PPARGC1B: variants seen among roughly 807,000 people sequenced by gnomAD.
The protein encoded by PPARGC1B is peroxisome proliferator-activated receptor gamma coactivator 1-beta.
In PPARGC1B, 34 loss-of-function variants were observed where a neutral mutation model predicts 101.6. That is an observed-to-expected ratio of 0.33 (90% CI 0.25 to 0.45). The LOEUF is 0.45. Ranked by LOEUF, PPARGC1B falls within the 20% of genes least tolerant of loss-of-function variation. The probability of loss-of-function intolerance (pLI) is 1.00; values close to 1 mark genes in which losing one functional copy is unlikely to be tolerated. For missense variants in PPARGC1B, 1,234 were observed against 1,317.6 expected (o/e 0.94, Z 0.98); for synonymous variants, 548 against 539.3 (o/e 1.02, Z -0.22).
intron 1 of PPARGC1B, among the ~76,000 whole-genome samples, chr5:149,808,353 C>T (rs1171987431): frequency 6.6e-6 from 1 of 152,052 alleles, no homozygotes; most frequent in Non-Finnish European, 1.5e-5. Context: ...CCTTGGATGC[C>T]AGGGCCTTTC....
intron 3 of PPARGC1B, among the ~76,000 whole-genome samples, chr5:149,829,689 A>G (rs944433348): frequency 7.5e-6 from 1 of 133,776 alleles, no homozygotes; most frequent in Non-Finnish European, 1.6e-5. Flanking sequence ...GTTTTTATAG[A>G]AAAAAAAAAA....
At chr5:149,763,496 A>G (rs1354047967) in intron 1 of PPARGC1B, among the ~76,000 whole-genome samples, 2 of 146,730 alleles carry the variant, frequency 1.4e-5, no homozygotes, top group Non-Finnish European at 3.0e-5. Context: ...CATGACAGCT[A>G]GAAGGGCCTT....
chr5:149,799,799 G>A (rs1397284883), intron 1 of PPARGC1B, among the ~76,000 whole-genome samples: 1 of 142,026 alleles, frequency 7.0e-6, no homozygotes, highest in African/African-American at 2.6e-5. Flanking sequence ...CCGGGTTCAA[G>A]TGATTATCCT....
chr5:149,798,374 A>G (rs1430586772), intron 1 of PPARGC1B, among the ~76,000 whole-genome samples: 2 of 152,236 alleles, frequency 1.3e-5, no homozygotes, highest in East Asian at 3.8e-4. Flanking sequence ...TAATACAAGA[A>G]TGTTCCCCTT....
At chr5:149,789,509 T>TA (rs751089932) in intron 1 of PPARGC1B, among the ~76,000 whole-genome samples, 2 of 152,252 alleles carry the variant, frequency 1.3e-5, no homozygotes, top group Non-Finnish European at 2.9e-5. Flanking sequence ...TTGTCATACT[T>TA]ACAATAGCAG....
At chr5:149,745,971 A>G (rs1755073219) in intron 1 of PPARGC1B, among the ~76,000 whole-genome samples, 1 of 152,224 alleles carries the variant, frequency 6.6e-6, no homozygotes, top group Non-Finnish European at 1.5e-5. Context: ...GGCCAGTGAC[A>G]GTTTGATGTA....
intron 1 of PPARGC1B, among the ~76,000 whole-genome samples, chr5:149,788,724 C>A (rs958838004): frequency 1.3e-5 from 2 of 152,180 alleles, no homozygotes; most frequent in African/African-American, 4.8e-5. Flanking sequence ...GGCACATATA[C>A]ACCATGGAAT....
Position 149,826,716 on chromosome 5 carries a change from C to G in PPARGC1B, c.296C>G (p.Thr99Ser), listed in dbSNP as rs768928328. 2 of 1,614,006 alleles carry G rather than the reference C, an allele frequency of 1.2e-6. No individual in the cohort carries two copies. The highest frequency in any genetic ancestry group is 1.7e-6 in the Non-Finnish European group (2 of 1,180,016). The change falls in exon 3 of 12, where the codon ACC (threonine) becomes AGC (serine). Residue 99 changes from threonine to serine, a missense_variant. Physicochemically the swap from Thr to Ser is moderately conservative, Grantham distance 58 (BLOSUM62 1). Coordinates refer to ENST00000309241, the MANE Select transcript of PPARGC1B (RefSeq NM_133263.4). ...NEALLAELTK[T>S]LDDIPEDDVG... The stretch of plus-strand genomic sequence containing the variant: ...GCCCTCCTGGCAGAGCTCACCAAGA[C>G]CCTGGATGACATCCCTGAAGATGAC...
intron 1 of PPARGC1B, among the ~76,000 whole-genome samples, chr5:149,765,624 C>T (rs1018368439): frequency 3.3e-5 from 5 of 151,976 alleles, no homozygotes; most frequent in African/African-American, 1.2e-4. Context: ...TTTGGGAGGC[C>T]GAGGCGGGCG....
In PPARGC1B at chr5:149,853,239, T is replaced by G. The variant is rs1759832496; in HGVS notation, c.*5681T>G. On this transcript the variant is annotated 3_prime_UTR_variant, in exon 12 of 12. Transcript: ENST00000309241. This position sits in a 1 kb window ranked among gnomAD's most constrained non-coding sequence, Gnocchi z 4.2. ...AGGTTGTCTCCACCAGCTACCCAGA[T>G]GGAAGGCAAATAAATCCTTTCGGCC... 1 of 152,242 alleles carries G rather than the reference T, an allele frequency of 6.6e-6. No individual in the cohort carries two copies. 9.4% of individuals were successfully genotyped at this position (152,242 alleles called of 1,614,324 possible).
rs182865548 is a variant in PPARGC1B, at chr5:149,766,459, T to C, written c.78+36039T>C. Among the ~76,000 whole-genome samples, 180 of 152,340 alleles carry C rather than the reference T, an allele frequency of 1.2e-3. 2 individuals are homozygous for C. Among genetic ancestry groups the C allele is most frequent in the African/African-American group, 4.1e-3 (172 of 41,564 alleles). On this transcript the variant is annotated intron_variant, in intron 1 of 11. Transcript: ENST00000309241. Reference sequence around the variant, plus strand: ...AGCAAGATCAATATTATTAGTGTCATGTATTTCAAAAAGGGAAACTGAGGC... The same window carrying C: ...AGCAAGATCAATATTATTAGTGTCACGTATTTCAAAAAGGGAAACTGAGGC...
At chr5:149,785,873 C>G (rs1305217034) in intron 1 of PPARGC1B, among the ~76,000 whole-genome samples, 1 of 151,408 alleles carries the variant, frequency 6.6e-6, no homozygotes, top group South Asian at 2.1e-4. Flanking sequence ...AGGCTTGGCT[C>G]AGAGTGAAGG....
chr5:149,835,847 G>C (rs953695059), intron 7 of PPARGC1B, among the ~76,000 whole-genome samples: 12 of 152,144 alleles, frequency 7.9e-5, no homozygotes, highest in Admixed American at 7.9e-4. Flanking sequence ...CTACCTCCAG[G>C]CTCAGCCAGC....
At chr5:149,822,267 C>T (rs983248840) in intron 2 of PPARGC1B, among the ~76,000 whole-genome samples, 9 of 152,142 alleles carry the variant, frequency 5.9e-5, no homozygotes, top group African/African-American at 2.2e-4. Flanking sequence ...AATGGCCAGA[C>T]CCACCAGTAA....
chr5:149,774,461 G>C (rs1756275731), intron 1 of PPARGC1B, among the ~76,000 whole-genome samples: 1 of 152,168 alleles, frequency 6.6e-6, no homozygotes, highest in Non-Finnish European at 1.5e-5. Flanking sequence ...GATCAGTAGA[G>C]GTCTGCGGCG....
At chr5:149,804,700 G>A (rs187186721) in intron 1 of PPARGC1B, among the ~76,000 whole-genome samples, 121 of 152,260 alleles carry the variant, frequency 7.9e-4, no homozygotes, top group African/African-American at 2.8e-3. Flanking sequence ...CCACAGTGAT[G>A]TAATCCCCGT....
At chr5:149,734,049 C>T (rs1424804506) in intron 1 of PPARGC1B, among the ~76,000 whole-genome samples, 3 of 151,972 alleles carry the variant, frequency 2.0e-5, no homozygotes, top group East Asian at 1.9e-4. Flanking sequence ...TCGCCGGGCA[C>T]GGTGGCTCAC....
intron 1 of PPARGC1B, among the ~76,000 whole-genome samples, chr5:149,804,084 G>A (rs547278319): frequency 5.9e-5 from 9 of 152,356 alleles, no homozygotes; most frequent in African/African-American, 2.2e-4. Context: ...TTTCCATAAG[G>A]GAATAAATGG....
intron 1 of PPARGC1B, among the ~76,000 whole-genome samples, chr5:149,773,171 A>G (rs1756210717): frequency 6.6e-6 from 1 of 152,222 alleles, no homozygotes; most frequent in African/African-American, 2.4e-5. Context: ...TGTTTGGGGC[A>G]ACCCCACAGG....
Sources: gnomAD v4.1 joint callset for allele counts (sites outside exome capture counted in the v4.1 genomes callset) on GRCh38, gnomAD v4.1.1 for gene constraint, Gnocchi (gnomAD v3.1) non-coding constraint, MANE v1.5 for transcripts, NCBI Gene and HGNC (gene_info 2026-07-23, HGNC 2026-07-21) for gene names.